TAFA2: variants seen among roughly 807,000 people sequenced by gnomAD.
TAFA2 encodes the protein chemokine-like protein TAFA-2.
Under a neutral mutation model 18.8 loss-of-function variants are expected in TAFA2, and 7 were observed. The ratio of observed to expected loss-of-function variants is 0.37; its 90% confidence interval spans 0.21 to 0.70. The LOEUF (loss-of-function observed/expected upper bound fraction) is 0.70, where lower values mean the gene tolerates loss of function less well. TAFA2 is among the 30% of genes least tolerant of loss of function. The probability of loss-of-function intolerance (pLI) is 0.53; values close to 1 mark genes in which losing one functional copy is unlikely to be tolerated. For synonymous variants in TAFA2, 60 were observed against 54.2 expected (o/e 1.11, Z -0.47); for missense variants, 122 against 158.1 (o/e 0.77, Z 1.23).
chr12:62,073,833 C>G (rs1342790722), intron 1 of TAFA2, among the ~76,000 whole-genome samples: 1 of 152,166 alleles, frequency 6.6e-6, no homozygotes, highest in African/African-American at 2.4e-5. Context: ...TATGCCACGA[C>G]TATACAGATG....
chr12:61,852,161 G>C (rs1321771157), intron 2 of TAFA2, among the ~76,000 whole-genome samples: 25 of 150,658 alleles, frequency 1.7e-4, no homozygotes, highest in Non-Finnish European at 1.3e-4. Flanking sequence ...AGCTGAGGTC[G>C]TGCCATTGCA....
At chr12:61,990,337 ATT>A (rs71083969) in intron 1 of TAFA2, among the ~76,000 whole-genome samples, 6 of 108,198 alleles carry the variant, frequency 5.5e-5, no homozygotes, top group East Asian at 2.9e-4. Flanking sequence ...CACTGTGCCA[ATT>A]TTTTTTTTTT....
At chr12:61,776,818 T>C (rs956497193) in intron 2 of TAFA2, among the ~76,000 whole-genome samples, 2 of 151,962 alleles carry the variant, frequency 1.3e-5, no homozygotes, top group Non-Finnish European at 2.9e-5. Context: ...AAACCCTATA[T>C]TGAAATTTCT....
At chr12:62,094,795 T>C (rs940732346) in intron 1 of TAFA2, among the ~76,000 whole-genome samples, 3 of 151,928 alleles carry the variant, frequency 2.0e-5, no homozygotes, top group African/African-American at 2.4e-5. Flanking sequence ...AAAAATCACA[T>C]AGAGCCAGAA....
intron 1 of TAFA2, among the ~76,000 whole-genome samples, chr12:61,872,010 C>G (rs144576089): frequency 6.6e-6 from 1 of 151,986 alleles, no homozygotes; most frequent in South Asian, 2.1e-4. Flanking sequence ...GAGAATGGCA[C>G]GAACCCGGGA....
intron 1 of TAFA2, among the ~76,000 whole-genome samples, chr12:62,113,152 T>A (rs887876302): frequency 3.9e-5 from 6 of 152,220 alleles, no homozygotes; most frequent in African/African-American, 1.4e-4. Context: ...TCAGTGATCT[T>A]CGGATCGGGT....
intron 2 of TAFA2, among the ~76,000 whole-genome samples, chr12:61,763,722 G>A (rs763979882): frequency 3.3e-5 from 5 of 151,796 alleles, no homozygotes; most frequent in African/African-American, 9.7e-5. Context: ...AAAGCTTCGC[G>A]CATGCCTCAC....
intron 1 of TAFA2, among the ~76,000 whole-genome samples, chr12:62,109,791 G>A (rs1175975275): frequency 6.6e-6 from 1 of 152,152 alleles, no homozygotes; most frequent in African/African-American, 2.4e-5. Flanking sequence ...TCTGTTAATG[G>A]TGTATAGGAA....
At chr12:62,085,924 G>A (rs1373667325) in intron 1 of TAFA2, among the ~76,000 whole-genome samples, 2 of 152,054 alleles carry the variant, frequency 1.3e-5, no homozygotes, top group Non-Finnish European at 2.9e-5. Flanking sequence ...CATGAGATCT[G>A]ATGGTTTAAA....
chr12:61,959,453 C>T (rs1424601959), intron 1 of TAFA2, among the ~76,000 whole-genome samples: 1 of 151,988 alleles, frequency 6.6e-6, no homozygotes, highest in East Asian at 1.9e-4. Flanking sequence ...GTAGGCATTT[C>T]TTGCTAGAGT....
chr12:61,737,879 A>G (rs1868329983), intron 4 of TAFA2, among the ~76,000 whole-genome samples: 1 of 152,072 alleles, frequency 6.6e-6, no homozygotes, highest in Admixed American at 6.6e-5. Flanking sequence ...TTCACAAAGC[A>G]TAGAACAAAG....
chr12:62,218,092 C>T (rs1449209337), intron 1 of TAFA2, among the ~76,000 whole-genome samples: 1 of 151,842 alleles, frequency 6.6e-6, no homozygotes, highest in African/African-American at 2.4e-5. Context: ...GCCTCCTGGG[C>T]TCAATAGATC....
intron 1 of TAFA2, among the ~76,000 whole-genome samples, chr12:62,037,274 TGA>T (rs1881634514): frequency 2.6e-5 from 4 of 152,178 alleles, no homozygotes. Context: ...CTGTGCAGGG[TGA>T]GTTTCATTCA....
chr12:62,150,530 T>C (rs2062320793), intron 1 of TAFA2, among the ~76,000 whole-genome samples: 1 of 152,136 alleles, frequency 6.6e-6, no homozygotes, highest in African/African-American at 2.4e-5. Context: ...AAGCCTATTC[T>C]AATCATATCA....
At chr12:62,197,709 C>A (rs1315945124), upstream of TAFA2, among the ~76,000 whole-genome samples, 2 of 152,046 alleles carry the variant, frequency 1.3e-5, no homozygotes, top group East Asian at 3.9e-4. Context: ...TTTATGTGTT[C>A]TTTTTTTGTC....
At chr12:62,224,546 A>G (rs1242035544) in intron 1 of TAFA2, among the ~76,000 whole-genome samples, 2 of 152,130 alleles carry the variant, frequency 1.3e-5, no homozygotes, top group Non-Finnish European at 2.9e-5. Flanking sequence ...GGAGGTAATT[A>G]TACCTCCCAA....
intron 1 of TAFA2, among the ~76,000 whole-genome samples, chr12:61,944,350 C>T (rs1355013864): frequency 1.3e-5 from 2 of 149,008 alleles, no homozygotes; most frequent in African/African-American, 5.0e-5. Context: ...CAAGAGAAAG[C>T]AGGAAAGATC....
intron 1 of TAFA2, among the ~76,000 whole-genome samples, chr12:62,221,383 C>A (rs1043744237): frequency 5.9e-5 from 9 of 152,070 alleles, no homozygotes; most frequent in Non-Finnish European, 1.2e-4. Context: ...AATATTAGAC[C>A]AACCAACTGA....
At chr12:61,813,654 A>G (rs1322182183) in intron 2 of TAFA2, among the ~76,000 whole-genome samples, 1 of 151,446 alleles carries the variant, frequency 6.6e-6, no homozygotes, top group Non-Finnish European at 1.5e-5. Flanking sequence ...CTTCATGTTT[A>G]TTTCCATCAA....
Sources: gnomAD v4.1 joint callset for allele counts (sites outside exome capture counted in the v4.1 genomes callset) on GRCh38, gnomAD v4.1.1 for gene constraint, MANE v1.5 for transcripts, NCBI Gene and HGNC (gene_info 2026-07-23, HGNC 2026-07-21) for gene names.